Variants in MACROD2 observed in about 807,000 individuals in gnomAD.
MACROD2 encodes ADP-ribose glycohydrolase MACROD2.
Under a neutral mutation model 70.4 loss-of-function variants are expected in MACROD2, and 36 were observed. The ratio of observed to expected loss-of-function variants is 0.51; its 90% CI spans 0.39 to 0.68. The LOEUF (loss-of-function observed/expected upper bound fraction) is 0.68, where lower values mean the gene tolerates loss of function less well. Among genes scored for constraint, MACROD2 ranks in the 30% least tolerant of loss-of-function variants. MACROD2 has a pLI of 0.00. For missense variants in MACROD2, 496 were observed against 538.4 expected (o/e 0.92, Z 0.78); for synonymous variants, 172 against 178.8 (o/e 0.96, Z 0.30).
intron 5 of MACROD2, among the ~76,000 whole-genome samples, chr20:15,033,481 T>A (rs1410548734): frequency 6.6e-6 from 1 of 152,218 alleles, no homozygotes; most frequent in Non-Finnish European, 1.5e-5. Flanking sequence ...CAGTATATGC[T>A]TTGTCCATTT....
At chr20:15,173,399 T>C (rs2025142) in intron 5 of MACROD2, among the ~76,000 whole-genome samples, 23,146 of 152,134 alleles carry the variant, frequency 0.15, 2,741 homozygotes, top group African/African-American at 0.33. Context: ...AGCATATTCA[T>C]TATCAGATCA....
chr20:15,310,990 C>A (rs1159630863), intron 6 of MACROD2, among the ~76,000 whole-genome samples: 1 of 152,046 alleles, frequency 6.6e-6, no homozygotes, highest in Non-Finnish European at 1.5e-5. Context: ...ATATGTTTTA[C>A]TGCCCAATAA....
chr20:14,221,039 A>G (rs1364964223), intron 3 of MACROD2, among the ~76,000 whole-genome samples: 2 of 152,174 alleles, frequency 1.3e-5, no homozygotes, highest in Non-Finnish European at 2.9e-5. Flanking sequence ...CCTGTCTACC[A>G]TGATTGACCT....
intron 5 of MACROD2, among the ~76,000 whole-genome samples, chr20:14,917,782 G>T (rs545340550): frequency 2.6e-4 from 40 of 152,204 alleles, no homozygotes; most frequent in African/African-American, 9.1e-4. Context: ...AAAGATAAGG[G>T]CTGGTTGTTG....
chr20:15,453,764 G>A (rs761922146), intron 7 of MACROD2, among the ~76,000 whole-genome samples: 3 of 152,128 alleles, frequency 2.0e-5, no homozygotes, highest in African/African-American at 7.2e-5. Context: ...ACATTCTCCT[G>A]TCCTAAAAAG....
intron 3 of MACROD2, chr20:14,086,147 A>G (rs754967150): frequency 6.2e-5 from 22 of 353,928 alleles, no homozygotes; most frequent in Non-Finnish European, 1.1e-4. Flanking sequence ...AAAAGTGAAA[A>G]TATAAAGAAA....
intron 3 of MACROD2, among the ~76,000 whole-genome samples, chr20:14,246,542 A>G (rs190240056): frequency 2.7e-3 from 412 of 152,270 alleles, no homozygotes; most frequent in South Asian, 5.0e-3. Context: ...TTCTTTGTAT[A>G]GACTACACCA....
intron 6 of MACROD2, among the ~76,000 whole-genome samples, chr20:15,362,437 AG>A (rs35976069): frequency 0.24 from 36,847 of 151,864 alleles, 4,655 homozygotes; most frequent in Middle Eastern, 0.4. Flanking sequence ...TTTTTTTTAT[AG>A]GTATACTGTA....
chr20:15,597,147 A>C (rs1037214013), intron 8 of MACROD2, among the ~76,000 whole-genome samples: 2 of 152,184 alleles, frequency 1.3e-5, no homozygotes, highest in Non-Finnish European at 2.9e-5. Flanking sequence ...GTATATGGTG[A>C]ATCTCATTCT....
At chr20:15,190,550 G>A (rs536730713) in intron 5 of MACROD2, among the ~76,000 whole-genome samples, 1 of 152,304 alleles carries the variant, frequency 6.6e-6, no homozygotes, top group Non-Finnish European at 1.5e-5. Flanking sequence ...AAGAATCTGG[G>A]ACTATTTTAA....
At chr20:15,546,697 A>G (rs1019100970) in intron 8 of MACROD2, among the ~76,000 whole-genome samples, 4 of 152,198 alleles carry the variant, frequency 2.6e-5, no homozygotes, top group Admixed American at 2.0e-4. Context: ...GTTTTGAAAC[A>G]TGCTTCCTTT....
chr20:14,616,957 G>A (rs139413861), intron 4 of MACROD2, among the ~76,000 whole-genome samples: 2 of 152,230 alleles, frequency 1.3e-5, no homozygotes, highest in African/African-American at 2.4e-5. Context: ...AGTAATTGAA[G>A]TATAGACACT....
intron 3 of MACROD2, among the ~76,000 whole-genome samples, chr20:14,095,343 G>A (rs756842408): frequency 6.6e-6 from 1 of 152,192 alleles, no homozygotes; most frequent in Non-Finnish European, 1.5e-5. Flanking sequence ...GATAGGAAAT[G>A]TAGGACTCAA....
At position 15,490,941 on chromosome 20, in the gene MACROD2, A is replaced by G. The variant is rs181212755; in HGVS notation, c.572-8833A>G. Among the ~76,000 whole-genome samples, 94 of 152,326 alleles carry G rather than the reference A, an allele frequency of 6.2e-4. 1 individual carries two copies. The highest frequency in any genetic ancestry group is 2.2e-3 in the African/African-American group (92 of 41,574). On this transcript the variant is annotated intron_variant, in intron 7 of 17. Coordinates refer to ENST00000684519, the MANE Select transcript of MACROD2 (RefSeq NM_001351661.2). ...TATCTTTGCCTCTTTCCCTCAATAC[A>G]GTAAAGTCCAATTACATTGCTGTCC...
At chr20:14,275,952 G>T (rs1014911972) in intron 3 of MACROD2, among the ~76,000 whole-genome samples, 1 of 152,156 alleles carries the variant, frequency 6.6e-6, no homozygotes, top group African/African-American at 2.4e-5. Flanking sequence ...CAGTTAGAAT[G>T]GCAATCATTA....
chr20:15,436,804 A>C (rs2046433352), intron 7 of MACROD2, among the ~76,000 whole-genome samples: 1 of 152,200 alleles, frequency 6.6e-6, no homozygotes, highest in African/African-American at 2.4e-5. Flanking sequence ...CAAAGCAAAC[A>C]CAACTCCCAA....
chr20:15,706,797 G>A (rs902213465), intron 8 of MACROD2, among the ~76,000 whole-genome samples: 2 of 152,116 alleles, frequency 1.3e-5, no homozygotes, highest in Admixed American at 6.5e-5. Context: ...ATTTCATTCT[G>A]TATTGAGAAG....
intron 7 of MACROD2, among the ~76,000 whole-genome samples, chr20:15,493,475 A>G (rs749013578): frequency 6.6e-6 from 1 of 152,228 alleles, no homozygotes; most frequent in Non-Finnish European, 1.5e-5. Flanking sequence ...TTAAAGTTTA[A>G]AACAAAAGCT....
chr20:16,040,108 C>T (rs904516117), intron 15 of MACROD2, among the ~76,000 whole-genome samples: 3 of 151,922 alleles, frequency 2.0e-5, no homozygotes, highest in Admixed American at 6.6e-5. Flanking sequence ...TCTTTTCCCA[C>T]TCTGCTTGTT....
Sources: gnomAD v4.1 joint callset for allele counts (sites outside exome capture counted in the v4.1 genomes callset) on GRCh38, gnomAD v4.1.1 for gene constraint, MANE v1.5 for transcripts, NCBI Gene and HGNC (gene_info 2026-07-23, HGNC 2026-07-21) for gene names.